The following EXT1 variants were observed in gnomAD, a reference collection of about 807,000 sequenced individuals.
EXT1 encodes the protein exostosin glycosyltransferase 1, also known as exostosin-1.
Under a neutral mutation model 82.5 loss-of-function variants are expected in EXT1, and 20 were observed. The ratio of observed to expected loss-of-function variants is 0.24; its 90% confidence interval spans 0.17 to 0.35. The LOEUF (loss-of-function observed/expected upper bound fraction) is 0.35, where lower values mean the gene tolerates loss of function less well. EXT1 is among the 10% of genes least tolerant of loss of function. EXT1 has a pLI of 1.00. For missense variants in EXT1, 757 were observed against 936.5 expected (o/e 0.81, Z 2.50); for synonymous variants, 348 against 350.8 (o/e 0.99, Z 0.09).
At chr8:117,838,295 T>C (rs755984336) in intron 1 of EXT1, among the ~76,000 whole-genome samples, 2 of 152,204 alleles carry the variant, frequency 1.3e-5, no homozygotes, top group African/African-American at 2.4e-5. Flanking sequence ...AATTTAATCA[T>C]AGCCTAAAGG....
intron 1 of EXT1, among the ~76,000 whole-genome samples, chr8:117,845,465 G>T (rs12676684): frequency 2.6e-5 from 4 of 151,806 alleles, no homozygotes; most frequent in Non-Finnish European, 4.4e-5. Context: ...ACATGTACCA[G>T]GTGTAGCTCA....
chr8:117,809,592 G>A (rs1823290671), intron 8 of EXT1, among the ~76,000 whole-genome samples: 1 of 151,430 alleles, frequency 6.6e-6, no homozygotes, highest in South Asian at 2.1e-4. Flanking sequence ...AGCCGAGATG[G>A]TGCCACTGCC....
chr8:117,825,312 T>C (rs982531585), intron 4 of EXT1, among the ~76,000 whole-genome samples: 3 of 151,820 alleles, frequency 2.0e-5, no homozygotes, highest in Non-Finnish European at 2.9e-5. Context: ...TTTCACCATA[T>C]AGAAAGATCA....
chr8:117,966,338 A>C (rs541551517), intron 1 of EXT1, among the ~76,000 whole-genome samples: 2 of 152,378 alleles, frequency 1.3e-5, no homozygotes, highest in East Asian at 3.9e-4. Flanking sequence ...CAGGATAATA[A>C]CATCTAATTT....
chr8:117,847,710 C>G (rs1393082359), intron 1 of EXT1, among the ~76,000 whole-genome samples: 1 of 152,168 alleles, frequency 6.6e-6, no homozygotes, highest in African/African-American at 2.4e-5. Context: ...CCTTCTTGAT[C>G]CAAGATATCC....
intron 1 of EXT1, among the ~76,000 whole-genome samples, chr8:118,102,834 T>C (rs1001130646): frequency 1.7e-4 from 26 of 152,248 alleles, no homozygotes; most frequent in Admixed American, 3.9e-4. Flanking sequence ...GCATACTTTT[T>C]TTTTTCTTGC....
rs1005744510 is a variant in EXT1, at chr8:117,794,643, T to G, written c.*5069A>C. ...CAGGTCAGTGAAGTAAATCAATATC[T>G]ATGGCTTTGTATTTTCTCACACGCG... On this transcript the variant is annotated 3_prime_UTR_variant, in exon 11 of 11. Transcript: ENST00000378204. 2 of 152,170 alleles carry G rather than the reference T, an allele frequency of 1.3e-5. No homozygotes were observed. The highest frequency in any genetic ancestry group is 2.9e-5 in the Non-Finnish European group (2 of 68,028). The allele number at this position is 152,170 out of a possible 1,614,324, so 9.4% of individuals were successfully genotyped here.
intron 1 of EXT1, among the ~76,000 whole-genome samples, chr8:118,103,601 A>C (rs930351046): frequency 6.6e-6 from 1 of 152,142 alleles, no homozygotes; most frequent in Non-Finnish European, 1.5e-5. Flanking sequence ...TACCTGGGGC[A>C]GCAGTCACTC....
At chr8:118,020,396 C>T (rs192108780) in intron 1 of EXT1, among the ~76,000 whole-genome samples, 248 of 152,286 alleles carry the variant, frequency 1.6e-3, no homozygotes, top group African/African-American at 5.7e-3. Context: ...CACTACATTA[C>T]GATCTTGTCC....
At chr8:117,939,865 AG>A (rs1814240088) in intron 1 of EXT1, among the ~76,000 whole-genome samples, 1 of 152,332 alleles carries the variant, frequency 6.6e-6, no homozygotes, top group South Asian at 2.1e-4. Context: ...GCCCTCACCC[AG>A]CACACAATAA....
At position 118,044,511 on chromosome 8, in the gene EXT1, G is replaced by A. The variant is rs181058762; in HGVS notation, c.962+65574C>T. Among the ~76,000 whole-genome samples, 28 of 152,124 alleles carry A rather than the reference G, an allele frequency of 1.8e-4. 1 individual carries two copies. In the East Asian group the frequency reaches 4.6e-3, roughly 25 times the overall value. On this transcript the variant is annotated intron_variant, in intron 1 of 10. Transcript: ENST00000378204. ...CAACCGCCACCTCCCGGGTTCAAGC[G>A]ATTCTCCTGCCTCAACCTCCTGAGT...
chr8:118,065,208 T>C (rs901230063), intron 1 of EXT1, among the ~76,000 whole-genome samples: 1 of 152,150 alleles, frequency 6.6e-6, no homozygotes, highest in Non-Finnish European at 1.5e-5. Flanking sequence ...TATCTCATTG[T>C]GGTTCTGCTG....
intron 1 of EXT1, among the ~76,000 whole-genome samples, chr8:117,947,470 T>C (rs1030103231): frequency 6.6e-6 from 1 of 152,166 alleles, no homozygotes; most frequent in African/African-American, 2.4e-5. Context: ...CCACAAATTG[T>C]CCTGAAAAAG....
intron 1 of EXT1, among the ~76,000 whole-genome samples, chr8:118,063,311 G>C (rs911764419): frequency 6.6e-6 from 1 of 152,182 alleles, no homozygotes; most frequent in Admixed American, 6.5e-5. Context: ...TCACAAACCC[G>C]TATTTTCCAT....
rs142122090 is a variant in EXT1, at chr8:117,835,491, T to C, written c.1117A>G (p.Asn373Asp). 1.6e-4 allele frequency: 253 copies of C among 1,614,140 alleles called. 3 individuals are homozygous for C. In the Admixed American group the frequency reaches 4.2e-3, roughly 27 times the overall value. Residue 373 changes from asparagine (N) to aspartate (D), a missense_variant, in exon 3 of 11, where the codon AAT (asparagine) becomes GAT (aspartate). Transcript: ENST00000378204. ...GWELPFSEVI[N>D]WNQAAVIGDE... is the part of the protein sequence containing the mutation. The stretch of plus-strand genomic sequence containing the variant: ...CCTATGACGGCAGCTTGGTTCCAAT[T>C]AATCACTTCAGAGAATGGCAACTCC...
At chr8:117,906,355 T>C (rs1472967915) in intron 1 of EXT1, among the ~76,000 whole-genome samples, 1 of 152,180 alleles carries the variant, frequency 6.6e-6, no homozygotes, top group East Asian at 1.9e-4. Flanking sequence ...AAACCAGGAA[T>C]AGCAATAATG....
Position 117,812,915 on chromosome 8 carries a change from G to A in EXT1, c.1679C>T (p.Ala560Val), listed in dbSNP as rs1486918382. 6.2e-7 allele frequency: 1 copy of A among 1,614,078 alleles called. No homozygotes were observed. Among genetic ancestry groups the A allele is most frequent in the Admixed American group, 1.7e-5 (1 of 60,016 alleles). Residue 560 changes from alanine to valine, a missense_variant, in exon 8 of 11, where the codon GCC becomes GTC. Physicochemically the swap from Ala to Val is moderately conservative, Grantham distance 64. This residue lies in a region of EXT1 where 207 missense variants were observed against 224.2 expected (regional missense o/e 0.92). Transcript: ENST00000378204. ...FLPYDNIITD[A>V]VLSLDEDTVL... is the part of the protein sequence containing the mutation. ...CGTGTCCTCGTCAAGGCTGAGCACG[G>A]CGTCTGTGATGATGTTGTCGTAGGG...
Position 118,110,412 on chromosome 8 carries a change from C to G in EXT1, c.635G>C (p.Gly212Ala), listed in dbSNP as rs146407656. The G allele has an allele frequency of 6.2e-5, 100 of 1,614,022 alleles. No individual in the cohort carries two copies. The highest frequency in any genetic ancestry group is 8.1e-5 in the Non-Finnish European group (96 of 1,180,040). Residue 212 changes from glycine to alanine, a missense_variant, in exon 1 of 11, where the codon GGC (glycine) becomes GCC (alanine). By Grantham distance (60) the Gly-to-Ala change is moderately conservative (BLOSUM62 0). Coordinates refer to ENST00000378204, the MANE Select transcript of EXT1 (RefSeq NM_000127.3). ...GCTGGCTTTGGCCAGCATCGCCTGGCCGATGTCAAACCCCACGTCCTCGGT... is the reference window on the plus strand; with the variant it reads ...GCTGGCTTTGGCCAGCATCGCCTGGGCGATGTCAAACCCCACGTCCTCGGT... ...DYTEDVGFDI[G>A]QAMLAKASIS...
chr8:118,102,804 C>T (rs2130025993), intron 1 of EXT1, among the ~76,000 whole-genome samples: 1 of 152,248 alleles, frequency 6.6e-6, no homozygotes, highest in Middle Eastern at 3.4e-3. Context: ...TGTATTTTCC[C>T]AATCTTCCAC....
Sources: allele counts gnomAD v4.1 joint callset (sites outside exome capture counted in the v4.1 genomes callset), GRCh38; gene constraint gnomAD v4.1.1; regional missense constraint gnomAD v4.1.1; transcripts MANE v1.5; gene names NCBI Gene and HGNC (gene_info 2026-07-23, HGNC 2026-07-21).